The following CFDP1 variants were observed in gnomAD, a reference collection of about 807,000 sequenced individuals.
CFDP1 encodes chromatin remodeling protein CFDP1.
Under a neutral mutation model 40.1 loss-of-function variants are expected in CFDP1, and 31 were observed. The ratio of observed to expected loss-of-function variants is 0.77; its 90% CI spans 0.58 to 1.04. The LOEUF is 1.04. Ranked by LOEUF, CFDP1 falls within the 50% of genes least tolerant of loss-of-function variation. CFDP1 has a pLI of 0.00. For missense variants in CFDP1, 423 were observed against 343.4 expected (o/e 1.23, Z -1.83); for synonymous variants, 167 against 120.0 (o/e 1.39, Z -2.56).
At chr16:75,364,547 G>A (rs1233291577) in intron 5 of CFDP1, among the ~76,000 whole-genome samples, 5 of 152,158 alleles carry the variant, frequency 3.3e-5, no homozygotes, top group South Asian at 2.1e-4. Context: ...GGTGGGTGAC[G>A]GTGTTATTGC....
chr16:75,298,162 C>T (rs1239901803), intron 6 of CFDP1, among the ~76,000 whole-genome samples: 1 of 152,216 alleles, frequency 6.6e-6, no homozygotes, highest in Non-Finnish European at 1.5e-5. Context: ...TTTGTTTAAA[C>T]TTGGGTCCCA....
At chr16:75,329,753 G>C (rs2078431622) in intron 5 of CFDP1, among the ~76,000 whole-genome samples, 1 of 152,210 alleles carries the variant, frequency 6.6e-6, no homozygotes, top group Admixed American at 6.5e-5. Flanking sequence ...AGTTGTATTT[G>C]ATAGCACCCT....
At chr16:75,403,907 G>A (rs188472675) in intron 4 of CFDP1, among the ~76,000 whole-genome samples, 97 of 152,082 alleles carry the variant, frequency 6.4e-4, no homozygotes, top group Non-Finnish European at 9.7e-4. Flanking sequence ...CGAAGTGGGC[G>A]TATCATTTGA....
chr16:75,364,314 A>C (rs1039907541), intron 5 of CFDP1, among the ~76,000 whole-genome samples: 1 of 152,150 alleles, frequency 6.6e-6, no homozygotes, highest in Non-Finnish European at 1.5e-5. Context: ...TTTAGCTACC[A>C]AATTCCCCTT....
At chr16:75,352,751 T>A (rs371167718) in intron 5 of CFDP1, among the ~76,000 whole-genome samples, 1 of 152,146 alleles carries the variant, frequency 6.6e-6, no homozygotes, top group African/African-American at 2.4e-5. Context: ...AGTACAGTAT[T>A]TGATAAACTA....
Position 75,412,544 on chromosome 16 carries a change from T to C in CFDP1, c.393A>G (p.Thr131=). The C allele has an allele frequency of 6.2e-7, 1 of 1,613,598 alleles. No homozygotes were observed. Among genetic ancestry groups the C allele is most frequent in the Non-Finnish European group, 8.5e-7 (1 of 1,179,478 alleles). Residue 131 remains threonine, a synonymous_variant, in exon 3 of 7, where the codon ACA becomes ACG. Transcript: ENST00000283882. The stretch of plus-strand genomic sequence containing the variant: ...TAATGTCTCAACTTACCTTAACTTG[T>C]GTACTTGGGGGCACTTTTGATTTTG... The part of the protein sequence containing the change: ...VGPKSKVPPS[T]QVKKGEETEE...
intron 5 of CFDP1, among the ~76,000 whole-genome samples, chr16:75,347,461 CGA>C (rs923097398): frequency 2.6e-5 from 4 of 151,562 alleles, no homozygotes; most frequent in African/African-American, 9.7e-5. Context: ...GGGTGGATCA[CGA>C]GGTCAAGACA....
chr16:75,395,463 A>G (rs1289712570), intron 4 of CFDP1, among the ~76,000 whole-genome samples: 1 of 152,008 alleles, frequency 6.6e-6, no homozygotes, highest in Non-Finnish European at 1.5e-5. Flanking sequence ...GATCGAAACT[A>G]TCCTGGCCAA....
At chr16:75,431,469 A>AAAAG (rs1451078659) in intron 1 of CFDP1, among the ~76,000 whole-genome samples, 8 of 149,134 alleles carry the variant, frequency 5.4e-5, no homozygotes, top group African/African-American at 2.0e-4. Context: ...AAAAAAAAAA[A>AAAAG]AAAAAAAAGA....
intron 5 of CFDP1, among the ~76,000 whole-genome samples, chr16:75,316,569 TAAAAAAAAAAA>T (rs780200659): frequency 7.5e-5 from 2 of 26,606 alleles, no homozygotes; most frequent in African/African-American, 2.6e-4. Flanking sequence ...AGACCCTGTC[TAAAAAAAAAAA>T]AAAAAAAAAA....
intron 5 of CFDP1, among the ~76,000 whole-genome samples, chr16:75,326,313 C>T (rs193008070): frequency 3.7e-4 from 57 of 152,256 alleles, no homozygotes; most frequent in Admixed American, 1.6e-3. Context: ...CCAGGAGCAA[C>T]GCCTTAGTCC....
At chr16:75,304,197 T>C (rs2078242738) in intron 6 of CFDP1, among the ~76,000 whole-genome samples, 1 of 152,130 alleles carries the variant, frequency 6.6e-6, no homozygotes, top group Admixed American at 6.5e-5. Flanking sequence ...GCCTCCCAAG[T>C]AGCTGGGATT....
intron 5 of CFDP1, among the ~76,000 whole-genome samples, chr16:75,307,767 C>T (rs1047440010): frequency 6.6e-6 from 1 of 152,026 alleles, no homozygotes; most frequent in Admixed American, 6.6e-5. Flanking sequence ...CTATGTTGCC[C>T]AAGGCTGGTA....
intron 6 of CFDP1, among the ~76,000 whole-genome samples, chr16:75,301,536 CTTTTTTTTTTTTTTTTTT>C (rs546724752): frequency 1.9e-5 from 1 of 53,938 alleles, no homozygotes; most frequent in African/African-American, 6.9e-5. Flanking sequence ...TTTGTTGTGT[CTTTTTTTTTTTTTTTTTT>C]TTTTTTTTTT....
At chr16:75,373,758 T>A (rs1230015295) in intron 5 of CFDP1, among the ~76,000 whole-genome samples, 1 of 152,132 alleles carries the variant, frequency 6.6e-6, no homozygotes, top group African/African-American at 2.4e-5. Context: ...TACGAAGCCA[T>A]TTTGTCCTTT....
chr16:75,382,675 A>G (rs993757444), intron 5 of CFDP1, among the ~76,000 whole-genome samples: 18 of 152,256 alleles, frequency 1.2e-4, no homozygotes, highest in Admixed American at 1.3e-4. Flanking sequence ...TTACTGTTCT[A>G]AAGGAAACTT....
chr16:75,377,643 A>C (rs887873030), intron 5 of CFDP1, among the ~76,000 whole-genome samples: 19 of 152,246 alleles, frequency 1.2e-4, no homozygotes, highest in Non-Finnish European at 2.8e-4. Flanking sequence ...ATTTAGTTCC[A>C]AAGGAAGAAA....
In CFDP1 at chr16:75,361,334, A is replaced by G. The variant is rs572327423; in HGVS notation, c.650+33756T>C. ...GCAAGTCAGATATTGTTTAAATTTAAAGCCGGGCGCGGTGGCTCACACCTG... is the reference window on the plus strand; with the variant it reads ...GCAAGTCAGATATTGTTTAAATTTAGAGCCGGGCGCGGTGGCTCACACCTG... On this transcript the variant is annotated intron_variant, in intron 5 of 6. Transcript: ENST00000283882. Among the ~76,000 whole-genome samples the G allele has an allele frequency of 2.3e-4, 35 of 152,188 alleles. No individual in the cohort carries two copies. In the East Asian group the frequency reaches 6.2e-3, roughly 27 times the overall value.
intron 5 of CFDP1, among the ~76,000 whole-genome samples, chr16:75,341,616 G>T (rs1204307640): frequency 6.6e-5 from 10 of 151,814 alleles, no homozygotes. Flanking sequence ...GGCAATTTGG[G>T]AAGGCTTCTT....
Sources: allele counts gnomAD v4.1 joint callset (sites outside exome capture counted in the v4.1 genomes callset), GRCh38; gene constraint gnomAD v4.1.1; transcripts MANE v1.5; gene names NCBI Gene and HGNC (gene_info 2026-07-23, HGNC 2026-07-21).